The following UTRN variants were observed in gnomAD, a reference collection of about 807,000 sequenced individuals.
The protein encoded by UTRN is utrophin, also known as dystrophin-related protein 1.
In UTRN, 283 loss-of-function variants were observed where a neutral mutation model predicts 463.9. That is an observed-to-expected ratio of 0.61 (90% confidence interval 0.55 to 0.67). The LOEUF is 0.67. Among genes scored for constraint, UTRN ranks in the 30% least tolerant of loss-of-function variants. The pLI is 0.00. For missense variants in UTRN, 3,922 were observed against 4,084.3 expected (o/e 0.96, Z 1.08); for synonymous variants, 1,442 against 1,431.5 (o/e 1.01, Z -0.17).
At position 144,793,792 on chromosome 6, in the gene UTRN, A is replaced by G. The variant is rs764174970; in HGVS notation, c.8921-42A>G. 3.1e-6 allele frequency: 5 copies of G among 1,599,232 alleles called. No individual in the cohort carries two copies. The South Asian group carries it at 3.4e-5, about 11-fold the overall frequency. On this transcript the variant is annotated intron_variant, in intron 62 of 74. Transcript: ENST00000367545. ...AAAGATATATTTTAAGTAAAAGAACATGGTAGACAGATGAAAGTTAACCTC... is the reference window on the plus strand; with the variant it reads ...AAAGATATATTTTAAGTAAAAGAACGTGGTAGACAGATGAAAGTTAACCTC...
At chr6:144,636,472 G>A (rs773197344) in intron 51 of UTRN, among the ~76,000 whole-genome samples, 18 of 151,998 alleles carry the variant, frequency 1.2e-4, no homozygotes, top group South Asian at 4.2e-4. Flanking sequence ...GCAGCAAACC[G>A]CCATGACATG....
intron 7 of UTRN, among the ~76,000 whole-genome samples, chr6:144,428,195 C>G (rs1785467094): frequency 6.6e-6 from 1 of 152,076 alleles, no homozygotes; most frequent in African/African-American, 2.4e-5. Context: ...AAATACAGTC[C>G]TAGACAATAT....
chr6:144,708,280 G>GT, intron 53 of UTRN: 1 of 661,222 alleles, frequency 1.5e-6, no homozygotes, highest in Non-Finnish European at 2.9e-6. Flanking sequence ...CAATAGAGTT[G>GT]TAAGTACTGA....
At chr6:144,356,620 C>G (rs2114672477) in intron 2 of UTRN, among the ~76,000 whole-genome samples, 1 of 152,280 alleles carries the variant, frequency 6.6e-6, no homozygotes, top group Non-Finnish European at 1.5e-5. Flanking sequence ...CGAGACTAGC[C>G]TGGCTAACAT....
chr6:144,470,892 G>A (rs977675994), intron 23 of UTRN, among the ~76,000 whole-genome samples: 9 of 151,682 alleles, frequency 5.9e-5, no homozygotes, highest in South Asian at 2.1e-4. Context: ...CAGGCGTGGC[G>A]GCGCGCACCT....
intron 52 of UTRN, among the ~76,000 whole-genome samples, chr6:144,697,649 A>G (rs1784158947): frequency 6.6e-6 from 1 of 152,224 alleles, no homozygotes; most frequent in Non-Finnish European, 1.5e-5. Flanking sequence ...ACTATGAAAA[A>G]TCAAAGATGC....
Position 144,437,583 on chromosome 6 carries a change from A to T in UTRN, c.1078A>T (p.Thr360Ser). Residue 360 changes from threonine to serine, a missense_variant, in exon 11 of 75, where the codon ACT becomes TCT. Thr to Ser is a moderately conservative substitution (Grantham distance 58). Transcript: ENST00000367545. ...TTTCTAGGCTTTTATGATGGAACTG[A>T]CTGCACACCAGAGCAGTGTGGGCAG... ...ATHEAFMMELTAHQSSVGSVL... is the reference protein window; with the variant it reads ...ATHEAFMMELSAHQSSVGSVL... The T allele has an allele frequency of 6.2e-7, 1 of 1,610,496 alleles. No individual in the cohort carries two copies. Among genetic ancestry groups the T allele is most frequent in the Non-Finnish European group, 8.5e-7 (1 of 1,178,824 alleles).
chr6:144,459,379 CCT>C (rs1361587314), intron 21 of UTRN, 25 bp downstream of exon 21: 4 of 1,558,820 alleles, frequency 2.6e-6, no homozygotes, highest in Non-Finnish European at 3.5e-6. Context: ...TTTAAAATCT[CCT>C]GTCTCAGTTT....
At chr6:144,691,011 C>T (rs886763522) in intron 52 of UTRN, among the ~76,000 whole-genome samples, 3 of 152,134 alleles carry the variant, frequency 2.0e-5, no homozygotes, top group African/African-American at 4.8e-5. Flanking sequence ...CACACTATTT[C>T]GTCTTTCCAA....
At chr6:144,318,679 G>A (rs2114576613) in intron 2 of UTRN, among the ~76,000 whole-genome samples, 1 of 152,236 alleles carries the variant, frequency 6.6e-6, no homozygotes, top group South Asian at 2.1e-4. Flanking sequence ...GGCCAGGCTG[G>A]TCTTGAACTG....
At chr6:144,749,987 G>A (rs1791200358) in intron 55 of UTRN, among the ~76,000 whole-genome samples, 1 of 152,036 alleles carries the variant, frequency 6.6e-6, no homozygotes, top group African/African-American at 2.4e-5. Context: ...GATTTTAAAA[G>A]CTAATTACAG....
chr6:144,408,611 A>G (rs554760960), intron 3 of UTRN, among the ~76,000 whole-genome samples: 1 of 152,344 alleles, frequency 6.6e-6, no homozygotes, highest in Non-Finnish European at 1.5e-5. Flanking sequence ...TGTAAGTTAC[A>G]ATTCCAACCT....
At chr6:144,329,839 T>G (rs778738344) in intron 2 of UTRN, among the ~76,000 whole-genome samples, 1 of 152,188 alleles carries the variant, frequency 6.6e-6, no homozygotes, top group Non-Finnish European at 1.5e-5. Context: ...ACAGAGTGTT[T>G]CAAAAGAGAC....
chr6:144,541,557 G>A (rs1308931232), intron 45 of UTRN, among the ~76,000 whole-genome samples: 1 of 152,188 alleles, frequency 6.6e-6, no homozygotes, highest in Non-Finnish European at 1.5e-5. Flanking sequence ...CATAATTTGG[G>A]AAATTCTAAC....
At chr6:144,514,473 C>T (rs78889733) in intron 36 of UTRN, among the ~76,000 whole-genome samples, 177 bp from the exon 37 acceptor site, 10,496 of 152,190 alleles carry the variant, frequency 0.069, 1,056 homozygotes, top group African/African-American at 0.22. Flanking sequence ...GAATTACTTA[C>T]CTCTGTGTTC....
chr6:144,426,170 T>C, intron 6 of UTRN, 117 bp from the exon 7 acceptor site: 1 of 1,266,264 alleles, frequency 7.9e-7, no homozygotes, highest in Non-Finnish European at 1.1e-6. Flanking sequence ...GAATGCCAGT[T>C]ACCTGATCCA....
chr6:144,473,106 C>T (rs1230411788), intron 23 of UTRN, among the ~76,000 whole-genome samples: 1 of 152,250 alleles, frequency 6.6e-6, no homozygotes, highest in Admixed American at 6.5e-5. Flanking sequence ...ATGTTACCTT[C>T]TCTCTAAAGT....
At chr6:144,539,181 T>C in intron 44 of UTRN, 113 bp from the exon 45 acceptor site, 1 of 1,238,410 alleles carries the variant, frequency 8.1e-7, no homozygotes, top group East Asian at 2.5e-5. Flanking sequence ...TTTTTTCACT[T>C]AACAAATTAG....
chr6:144,639,491 T>C (rs1394992879), intron 51 of UTRN, among the ~76,000 whole-genome samples: 10 of 152,198 alleles, frequency 6.6e-5, no homozygotes, highest in Admixed American at 6.5e-4. Context: ...TATATGCAAC[T>C]GCTCACTGGA....
Sources: allele counts gnomAD v4.1 joint callset (sites outside exome capture counted in the v4.1 genomes callset), GRCh38; gene constraint gnomAD v4.1.1; transcripts MANE v1.5; gene names NCBI Gene and HGNC (gene_info 2026-07-23, HGNC 2026-07-21).